The following NKAIN3 variants were observed in gnomAD, a reference collection of about 807,000 sequenced individuals.
NKAIN3 encodes sodium/potassium-transporting ATPase subunit beta-1-interacting protein 3.
In NKAIN3, 25 loss-of-function variants were observed where a neutral mutation model predicts 30.2. The observed-to-expected ratio is 0.83, with a 90% CI of 0.60 to 1.16. NKAIN3 has a LOEUF of 1.16. NKAIN3 is among the 50% of genes most tolerant of loss of function. NKAIN3 has a pLI of 0.00. For missense variants in NKAIN3, 225 were observed against 254.1 expected, an observed-to-expected ratio of 0.89 and a Z score of 0.78; for synonymous variants, 91 against 89.6, an observed-to-expected ratio of 1.02 and a Z score of -0.09.
At chr8:62,866,551 C>A (rs1308307135) in intron 4 of NKAIN3, among the ~76,000 whole-genome samples, 1 of 152,160 alleles carries the variant, frequency 6.6e-6, no homozygotes, top group African/African-American at 2.4e-5. Flanking sequence ...TAGAATGTAA[C>A]ATATAGAGGT....
At chr8:62,732,669 A>G (rs1301497207) in intron 3 of NKAIN3, among the ~76,000 whole-genome samples, 1 of 152,008 alleles carries the variant, frequency 6.6e-6, no homozygotes, top group Non-Finnish European at 1.5e-5. Context: ...AGTTCTGTTC[A>G]TTTTTGTTTC....
intron 3 of NKAIN3, among the ~76,000 whole-genome samples, chr8:62,744,013 G>C (rs1229309969): frequency 6.6e-6 from 1 of 152,182 alleles, no homozygotes; most frequent in Non-Finnish European, 1.5e-5. Context: ...ATGGCCAGCT[G>C]TGGGAGAAAA....
At chr8:62,427,804 A>T (rs1804856607) in intron 1 of NKAIN3, among the ~76,000 whole-genome samples, 1 of 151,994 alleles carries the variant, frequency 6.6e-6, no homozygotes. Flanking sequence ...TAATTGTAAT[A>T]TTTCATAACC....
chr8:62,408,330 A>G (rs1217550486), intron 1 of NKAIN3, among the ~76,000 whole-genome samples: 1 of 152,084 alleles, frequency 6.6e-6, no homozygotes, highest in Non-Finnish European at 1.5e-5. Flanking sequence ...CAATAGTTGT[A>G]TTTCTGCTTA....
chr8:62,493,925 T>C (rs534009453), intron 1 of NKAIN3, among the ~76,000 whole-genome samples: 5 of 152,164 alleles, frequency 3.3e-5, no homozygotes, highest in Admixed American at 6.6e-5. Context: ...AGCTTTTGGG[T>C]CGAGACTCTA....
At chr8:62,491,260 A>G (rs568807139) in intron 1 of NKAIN3, among the ~76,000 whole-genome samples, 1 of 152,294 alleles carries the variant, frequency 6.6e-6, no homozygotes, top group East Asian at 1.9e-4. Flanking sequence ...TCTCTACATC[A>G]TTATTAGACA....
In NKAIN3 at chr8:62,968,993, T is replaced by A. The variant is rs996956204; in HGVS notation, c.*3586T>A. Among the ~76,000 whole-genome samples the A allele has an allele frequency of 4.6e-5, 7 of 152,184 alleles. No homozygotes were observed. Among genetic ancestry groups the A allele is most frequent in the Non-Finnish European group, 1.0e-4 (7 of 68,040 alleles). On this transcript the variant is annotated 3_prime_UTR_variant, in exon 7 of 7. Transcript: ENST00000623646. ...AACATCTCTTAGGAAAATCTCTAAATGTGTATATCCCCAAGTATCTTAGCC... is the reference window on the plus strand; with the variant it reads ...AACATCTCTTAGGAAAATCTCTAAAAGTGTATATCCCCAAGTATCTTAGCC...
intron 5 of NKAIN3, among the ~76,000 whole-genome samples, chr8:62,928,408 T>C (rs1020757549): frequency 2.8e-4 from 43 of 152,222 alleles, no homozygotes; most frequent in African/African-American, 8.2e-4. Flanking sequence ...TGAAGACATC[T>C]TTCTTTGTCA....
chr8:62,519,030 A>ATTT (rs200523069), intron 1 of NKAIN3, among the ~76,000 whole-genome samples: 9,763 of 152,196 alleles, frequency 0.064, 954 homozygotes, highest in African/African-American at 0.22. Context: ...AGGGTAAAAT[A>ATTT]AATGCTCCAA....
Position 62,598,037 on chromosome 8 carries a change from G to A in NKAIN3, c.273+8243G>A, listed in dbSNP as rs540904028. Among the ~76,000 whole-genome samples the A allele has an allele frequency of 1.2e-4, 18 of 152,084 alleles. No individual in the cohort carries two copies. The East Asian group carries it at 1.9e-3, about 16-fold the overall frequency. On this transcript the variant is annotated intron_variant, in intron 3 of 6. Transcript: ENST00000623646. ...AAACTCCTTATGAACTAGTCATCACGGATTGTGTTAATATTCTTGGGTATC... is the reference window on the plus strand; with the variant it reads ...AAACTCCTTATGAACTAGTCATCACAGATTGTGTTAATATTCTTGGGTATC...
At chr8:62,839,147 TC>T (rs1819455541) in intron 4 of NKAIN3, among the ~76,000 whole-genome samples, 7 of 152,156 alleles carry the variant, frequency 4.6e-5, no homozygotes, top group Non-Finnish European at 7.4e-5. Context: ...TCTACTACTT[TC>T]CTCCTTCTAA....
chr8:62,317,865 G>T (rs1267878753), intron 1 of NKAIN3, among the ~76,000 whole-genome samples: 1 of 152,126 alleles, frequency 6.6e-6, no homozygotes, highest in Non-Finnish European at 1.5e-5. Flanking sequence ...AATTACCTTG[G>T]GCAGTACGGC....
intron 3 of NKAIN3, among the ~76,000 whole-genome samples, chr8:62,709,234 A>G (rs961893947): frequency 6.6e-6 from 1 of 152,178 alleles, no homozygotes; most frequent in African/African-American, 2.4e-5. Flanking sequence ...TGCTGGCTTC[A>G]TAGAATGAAT....
At chr8:62,633,918 G>A (rs1048041879) in intron 3 of NKAIN3, among the ~76,000 whole-genome samples, 7 of 152,060 alleles carry the variant, frequency 4.6e-5, no homozygotes, top group African/African-American at 1.7e-4. Flanking sequence ...AGCTGATGCG[G>A]GCAATAAGGG....
chr8:62,278,486 G>A (rs909523612), intron 1 of NKAIN3, among the ~76,000 whole-genome samples: 4 of 151,688 alleles, frequency 2.6e-5, no homozygotes, highest in Non-Finnish European at 4.4e-5. Flanking sequence ...CCATTAACTC[G>A]TCATTTACAT....
At chr8:62,410,836 C>A (rs1460860382) in intron 1 of NKAIN3, among the ~76,000 whole-genome samples, 1 of 151,940 alleles carries the variant, frequency 6.6e-6, no homozygotes, top group African/African-American at 2.4e-5. Flanking sequence ...CATGAATAGA[C>A]CAATATCAAG....
chr8:62,617,384 A>G (rs891211834), intron 3 of NKAIN3, among the ~76,000 whole-genome samples: 1 of 152,218 alleles, frequency 6.6e-6, no homozygotes, highest in African/African-American at 2.4e-5. Flanking sequence ...CACACTAATC[A>G]TGCAATCTTT....
At chr8:62,948,195 C>CTT (rs1018602395) in intron 5 of NKAIN3, among the ~76,000 whole-genome samples, 2 of 144,758 alleles carry the variant, frequency 1.4e-5, no homozygotes, top group African/African-American at 5.0e-5. Flanking sequence ...TTGGTATTTC[C>CTT]TTTTTTTTTT....
chr8:62,830,987 C>T (rs900280773), intron 4 of NKAIN3, among the ~76,000 whole-genome samples: 14 of 152,270 alleles, frequency 9.2e-5, no homozygotes, highest in Admixed American at 5.2e-4. Flanking sequence ...ATATACTCCA[C>T]GTATCAGCCC....
Sources: gnomAD v4.1 joint callset for allele counts (sites outside exome capture counted in the v4.1 genomes callset) on GRCh38, gnomAD v4.1.1 for gene constraint, MANE v1.5 for transcripts, NCBI Gene and HGNC (gene_info 2026-07-23, HGNC 2026-07-21) for gene names.